AQP11: variants seen among roughly 807,000 people sequenced by gnomAD.
AQP11 encodes the protein aquaporin 11.
In AQP11, 20 loss-of-function variants were observed where a neutral mutation model predicts 21.1. That is an observed-to-expected ratio of 0.95 (90% CI 0.67 to 1.38). AQP11 has a LOEUF of 1.38. AQP11 is among the 40% of genes most tolerant of loss of function. The probability of loss-of-function intolerance (pLI) is 0.00; values close to 1 mark genes in which losing one functional copy is unlikely to be tolerated. For missense variants in AQP11, 339 were observed against 340.4 expected (o/e 1.00, Z 0.03); for synonymous variants, 167 against 150.1 (o/e 1.11, Z -0.82).
chr11:77,590,074 A>C lies in AQP11; in HGVS notation c.82A>C (p.Met28Leu). The C allele has an allele frequency of 1.2e-6, 2 of 1,606,454 alleles. No homozygotes were observed. Among genetic ancestry groups the C allele is most frequent in the Non-Finnish European group, 1.7e-6 (2 of 1,178,756 alleles). The change falls in exon 1 of 3, where the codon ATG becomes CTG. Residue 28 changes from methionine (M) to leucine (L), a missense_variant. Met to Leu is a conservative substitution (Grantham distance 15). Transcript: ENST00000313578. ...LGLMLSVVLL[M>L]GLARVVARQQ... ...ACTGATGCTGTCGGTGGTGCTGCTC[A>C]TGGGGCTGGCCCGCGTAGTCGCCCG... is the stretch of plus-strand genomic sequence containing the variant.
chr11:77,606,666 C>T (rs1958848422), intron 2 of AQP11, among the ~76,000 whole-genome samples: 1 of 152,206 alleles, frequency 6.6e-6, no homozygotes, highest in South Asian at 2.1e-4. Flanking sequence ...CTGTCCCAGC[C>T]TCCCAGGTAG....
intron 1 of AQP11, among the ~76,000 whole-genome samples, chr11:77,594,771 T>C (rs888586047): frequency 4.6e-5 from 7 of 152,152 alleles, no homozygotes; most frequent in African/African-American, 1.7e-4. Flanking sequence ...CTCCTAAGGA[T>C]AGCCAGTGAC....
intron 2 of AQP11, among the ~76,000 whole-genome samples, chr11:77,604,893 A>G (rs954889517): frequency 2.0e-5 from 3 of 152,214 alleles, no homozygotes; most frequent in Non-Finnish European, 4.4e-5. Flanking sequence ...TCTTTAAAGA[A>G]AAATTTTCTC....
At chr11:77,605,464 CAGG>C (rs745810820) in intron 2 of AQP11, among the ~76,000 whole-genome samples, 3 of 152,102 alleles carry the variant, frequency 2.0e-5, no homozygotes, top group African/African-American at 7.2e-5. Flanking sequence ...GGCCGCACAG[CAGG>C]AGGTGAGTGG....
At position 77,609,388 on chromosome 11, in the gene AQP11, G is replaced by GACTC. The variant is rs1180400665; in HGVS notation, c.*13_*16dup. On this transcript the variant is annotated 3_prime_UTR_variant, in exon 3 of 3. Coordinates refer to ENST00000313578, the MANE Select transcript of AQP11 (RefSeq NM_173039.3). ...AATAAAAAGGAATAACTGTTCCAAA[G>GACTC]ACTCAGACTAACATACAGGACAGTC... is the stretch of plus-strand genomic sequence containing the variant. 1.9e-6 allele frequency: 3 copies of GACTC among 1,603,154 alleles called. No homozygotes were observed. The highest frequency in any genetic ancestry group is 2.6e-6 in the Non-Finnish European group (3 of 1,171,912).
At chr11:77,596,560 A>ATATATATATATATATATATATATT (rs1554976434) in intron 1 of AQP11, among the ~76,000 whole-genome samples, 1 of 133,118 alleles carries the variant, frequency 7.5e-6, no homozygotes, top group South Asian at 2.3e-4. Context: ...ATATATATAT[A>ATATATATATATATATATATATATT]TATGTATGTA....
intron 2 of AQP11, among the ~76,000 whole-genome samples, chr11:77,604,904 T>C (rs1958835054): frequency 6.6e-6 from 1 of 152,232 alleles, no homozygotes; most frequent in African/African-American, 2.4e-5. Context: ...AAATTTTCTC[T>C]GTTTTTAGGC....
chr11:77,594,165 C>T (rs1958765054), intron 1 of AQP11, among the ~76,000 whole-genome samples: 1 of 152,116 alleles, frequency 6.6e-6, no homozygotes, highest in Admixed American at 6.6e-5. Context: ...GTGAATGTAA[C>T]ACCAATGACT....
chr11:77,602,164 A>G (rs781162038), intron 1 of AQP11, among the ~76,000 whole-genome samples: 1 of 152,196 alleles, frequency 6.6e-6, no homozygotes, highest in Non-Finnish European at 1.5e-5. Flanking sequence ...CATAAGACTG[A>G]TCAGTGGTGT....
intron 2 of AQP11, among the ~76,000 whole-genome samples, chr11:77,606,036 C>CAAAAAAA (rs11326964): frequency 1.6e-5 from 1 of 63,974 alleles, no homozygotes. Flanking sequence ...GAGCGAGTCT[C>CAAAAAAA]AAAAAAAAAA....
chr11:77,597,712 T>C (rs1958791364), intron 1 of AQP11, among the ~76,000 whole-genome samples: 2 of 152,082 alleles, frequency 1.3e-5, no homozygotes, highest in Non-Finnish European at 2.9e-5. Flanking sequence ...GAGATTGAAT[T>C]TGGGGAAAAC....
intron 2 of AQP11, among the ~76,000 whole-genome samples, chr11:77,608,249 T>C (rs190072783): frequency 1.3e-5 from 2 of 152,380 alleles, no homozygotes. Context: ...CTATTTCACA[T>C]TGAAAAATTA....
At position 77,590,521 on chromosome 11, in the gene AQP11, T is replaced by C; in HGVS notation, c.529T>C (p.Phe177Leu). 6.2e-7 allele frequency: 1 copy of C among 1,614,158 alleles called. No individual in the cohort carries two copies. The highest frequency in any genetic ancestry group is 8.5e-7 in the Non-Finnish European group (1 of 1,180,024). Residue 177 changes from phenylalanine (F) to leucine (L), a missense_variant, in exon 1 of 3, where the codon TTC becomes CTC. Phe to Leu is a conservative substitution (Grantham distance 22, BLOSUM62 0). Transcript: ENST00000313578. ...VITEAVCSFLFHSALLHFQEV... is the reference protein window; with the variant it reads ...VITEAVCSFLLHSALLHFQEV... Reference sequence around the variant, plus strand: ...CACAGAGGCCGTCTGCTCCTTTCTCTTCCACAGCGCTCTGCTGCACTTCCA... The same window carrying C: ...CACAGAGGCCGTCTGCTCCTTTCTCCTCCACAGCGCTCTGCTGCACTTCCA...
In AQP11 at chr11:77,604,008, T is replaced by C. The variant is rs147325836; in HGVS notation, c.736+336T>C. Among the ~76,000 whole-genome samples, 194 of 152,334 alleles carry C rather than the reference T, an allele frequency of 1.3e-3. 3 individuals are homozygous for C. The East Asian group carries it at 0.024, about 19-fold the overall frequency. ...AGCTCCAGATAAAGTATCATTTAGT[T>C]CATTTGACTCATTTTGCAGAACAGC... On this transcript the variant is annotated intron_variant, in intron 2 of 2. Transcript: ENST00000313578.
In AQP11 at chr11:77,590,158, C is replaced by T. The variant is rs1958736452; in HGVS notation, c.166C>T (p.Gln56Ter). The change falls in exon 1 of 3, where the codon CAG (glutamine) becomes TAG (stop). Residue 56 changes from glutamine to a stop codon, truncating the protein, a stop_gained. Coordinates refer to ENST00000313578, the MANE Select transcript of AQP11 (RefSeq NM_173039.3). LOFTEE classifies it high-confidence loss of function. ...AFVLEFLATF[Q>*]LCCCTHELQL... ...CGTCCTGGAGTTTCTAGCCACCTTC[C>T]AGCTCTGCTGCTGCACCCACGAGCT... The T allele has an allele frequency of 1.2e-6, 2 of 1,607,770 alleles. No homozygotes were observed. The highest frequency in any genetic ancestry group is 3.4e-5 in the Admixed American group (2 of 59,662).
intron 1 of AQP11, 155 bp downstream of exon 1, chr11:77,590,766 C>G (rs963517199): frequency 1.0e-6 from 1 of 985,186 alleles, no homozygotes; most frequent in African/African-American, 1.7e-5. Flanking sequence ...CGTTCTTAAC[C>G]AGTAGGGCCG....
rs1179298459 is a variant in AQP11 at position 77,590,004 on chromosome 11, G to C, written c.12G>C (p.Leu4=). 6.7e-7 allele frequency: 1 copy of C among 1,495,146 alleles called. No homozygotes were observed. Among genetic ancestry groups the C allele is most frequent in the East Asian group, 2.4e-5 (1 of 41,000 alleles). The allele number at this position is 1,495,146 out of a possible 1,614,324, so 92.6% of individuals were successfully genotyped here. MSP[L]LGLRSELQDT... is the part of the protein sequence containing the mutation. ...GCGGCGACGGAGCCATGTCGCCGCT[G>C]CTGGGGCTCCGGTCCGAGCTGCAGG... Residue 4 remains leucine, a synonymous_variant, in exon 1 of 3, where the codon CTG becomes CTC. Transcript: ENST00000313578.
At chr11:77,597,132 A>C (rs912954256) in intron 1 of AQP11, among the ~76,000 whole-genome samples, 4 of 152,168 alleles carry the variant, frequency 2.6e-5, no homozygotes, top group African/African-American at 9.7e-5. Context: ...TTTTGGGATA[A>C]ATTCAGGAAA....
chr11:77,591,150 ATTTCC>A (rs1958745457), intron 1 of AQP11: 2 of 960,898 alleles, frequency 2.1e-6, no homozygotes, highest in Admixed American at 6.2e-5. Flanking sequence ...GAAATTTCTT[ATTTCC>A]TTAATAATTC....
Sources: gnomAD v4.1 joint callset for allele counts (sites outside exome capture counted in the v4.1 genomes callset) on GRCh38, gnomAD v4.1.1 for gene constraint, MANE v1.5 for transcripts, NCBI Gene and HGNC (gene_info 2026-07-23, HGNC 2026-07-21) for gene names.